Variants in LTBR observed in about 807,000 individuals in gnomAD.
The protein encoded by LTBR is lymphotoxin beta receptor, also known as tumor necrosis factor receptor superfamily member 3.
Under a neutral mutation model 45.4 loss-of-function variants are expected in LTBR, and 15 were observed. The ratio of observed to expected loss-of-function variants is 0.33; its 90% CI spans 0.22 to 0.51. LTBR has a LOEUF of 0.51. Among genes scored for constraint, LTBR ranks in the 20% least tolerant of loss-of-function variants. LTBR has a pLI of 0.97. For missense variants in LTBR, 450 were observed against 565.5 expected (o/e 0.80, Z 2.07); for synonymous variants, 228 against 231.0 (o/e 0.99, Z 0.12).
At position 6,376,125 on chromosome 12, in the gene LTBR, A is replaced by G. The variant is rs532010089; in HGVS notation, c.39+531A>G. On this transcript the variant is annotated intron_variant, in intron 1 of 9. Coordinates refer to the LTBR transcript ENST00000539925. The stretch of plus-strand genomic sequence containing the variant: ...GCACCCACAGGTCAGCCTCACCCTC[A>G]GGCCCTGCAGAGAAGAGAGAAGAGG... The G allele has an allele frequency of 3.5e-4, 344 of 987,418 alleles. No individual in the cohort carries two copies. The South Asian group carries it at 4.9e-3, about 14-fold the overall frequency. 61.2% of individuals were successfully genotyped at this position (987,418 alleles called of 1,614,324 possible). A position where few individuals can be genotyped will look rare whatever the true frequency, so the allele number is the denominator to read the frequency against.
In LTBR at chr12:6,384,701, G is replaced by A. The variant is rs370786471; in HGVS notation, c.193+17G>A. On this transcript the variant is annotated intron_variant, in intron 2 of 9. Coordinates refer to ENST00000228918, the MANE Select transcript of LTBR (RefSeq NM_002342.3). ...GCCCGCCAGGTGAGAGGCAATGGCA[G>A]GACGAACCTGGGCCTCGGAAGTGGG... 1.2e-4 allele frequency: 189 copies of A among 1,611,232 alleles called. 2 individuals carry two copies. The highest frequency in any genetic ancestry group is 2.5e-6 in the Non-Finnish European group (3 of 1,177,534).
chr12:6,379,463 T>G (rs1948956197), upstream of LTBR, among the ~76,000 whole-genome samples: 1 of 152,200 alleles, frequency 6.6e-6, no homozygotes, highest in Non-Finnish European at 1.5e-5. Flanking sequence ...ATGCAACTCT[T>G]TATTCTTACT....
At chr12:6,379,029 G>C (rs1948949482) in intron 1 of LTBR, among the ~76,000 whole-genome samples, 1 of 152,186 alleles carries the variant, frequency 6.6e-6, no homozygotes, top group South Asian at 2.1e-4. Context: ...GACAGGAGAT[G>C]ACGGAAGTAA....
chr12:6,384,627 C>G lies in LTBR; in HGVS notation c.136C>G (p.Gln46Glu). 3 of 1,614,204 alleles carry G rather than the reference C, an allele frequency of 1.9e-6. No homozygotes were observed. The highest frequency in any genetic ancestry group is 1.7e-5 in the Admixed American group (1 of 60,024). The change falls in exon 2 of 10, where the codon CAG (glutamine) becomes GAG (glutamate). Residue 46 changes from glutamine to glutamate, a missense_variant. Coordinates refer to ENST00000228918, the MANE Select transcript of LTBR (RefSeq NM_002342.3). The stretch of plus-strand genomic sequence containing the variant: ...GTCGGAGAACCAGACCTGCAGGGAC[C>G]AGGAAAAGGAATACTATGAGCCCCA... ...YASENQTCRD[Q>E]EKEYYEPQHR...
At chr12:6,376,915 A>G (rs1948923070) in intron 1 of LTBR, among the ~76,000 whole-genome samples, 1 of 152,214 alleles carries the variant, frequency 6.6e-6, no homozygotes, top group South Asian at 2.1e-4. Context: ...ATACAATAAG[A>G]TAAGGTTTCT....
chr12:6,381,499 C>T (rs766355397), upstream of LTBR, among the ~76,000 whole-genome samples: 257 of 152,344 alleles, frequency 1.7e-3, 1 homozygote, highest in Non-Finnish European at 1.2e-3. Flanking sequence ...AAACCCAGAT[C>T]TCAGGGCTCG....
At chr12:6,375,299 C>G (rs62624478), upstream of LTBR, 150 of 1,438,524 alleles carry the variant, frequency 1.0e-4, no homozygotes, top group South Asian at 3.6e-4. Flanking sequence ...CCTCTCCCCC[C>G]CTTGCCTTGC....
chr12:6,385,580 G>T (rs1949030846), intron 4 of LTBR: 2 of 677,198 alleles, frequency 3.0e-6, no homozygotes, highest in Admixed American at 5.9e-5. Context: ...CACAGGAGGT[G>T]GTTCTTCTCA....
At position 6,388,855 on chromosome 12, in the gene LTBR, A is replaced by T. The variant is rs1949078792; in HGVS notation, c.801+30A>T. On this transcript the variant is annotated intron_variant, in intron 8 of 9. Transcript: ENST00000228918. This position sits in a 1 kb window ranked among gnomAD's most constrained non-coding sequence, Gnocchi z 4.3. ...TGGCGGGGGCTGAGAAGGCAGCAAG[A>T]AGGGGAAGAGGTGATGAGGGTACAA... 16 of 1,613,806 alleles carry T rather than the reference A, an allele frequency of 9.9e-6. No homozygotes were observed. Among genetic ancestry groups the T allele is most frequent in the Non-Finnish European group, 1.3e-5 (15 of 1,179,902 alleles).
chr12:6,378,546 G>A (rs1210763299), intron 1 of LTBR, among the ~76,000 whole-genome samples: 1 of 136,526 alleles, frequency 7.3e-6, no homozygotes, highest in African/African-American at 3.0e-5. Context: ...AGGGCAAGAA[G>A]GGGTGGGTAA....
Position 6,376,822 on chromosome 12 carries a change from C to T in LTBR, c.39+1228C>T, listed in dbSNP as rs530607445. ...CAGAGTGCAGGAATGTGGTCACTGG[C>T]TTGTCCTGCCTCCCTCCACAAGCCA... On this transcript the variant is annotated intron_variant, in intron 1 of 9. Transcript: ENST00000539925. Among the ~76,000 whole-genome samples, 8 of 152,320 alleles carry T rather than the reference C, an allele frequency of 5.3e-5. No homozygotes were observed. The South Asian group carries it at 1.7e-3, about 32-fold the overall frequency.
upstream of LTBR, among the ~76,000 whole-genome samples, chr12:6,382,692 C>G (rs1948996359): frequency 2.6e-5 from 4 of 152,332 alleles, no homozygotes; most frequent in South Asian, 8.3e-4. Context: ...TCCTTTCCCC[C>G]TTTTGTGACC....
chr12:6,388,152 G>A lies in LTBR; in HGVS notation c.668-246G>A. ...GGGCACCCACACCACCCCCAAACAT[G>A]CCCATCCATGATACAGTCTCTCCTG... is the stretch of plus-strand genomic sequence containing the variant. On this transcript the variant is annotated intron_variant, in intron 6 of 9. Transcript: ENST00000228918. The surrounding 1 kb of genome is among the most constrained non-coding windows in gnomAD (Gnocchi z 4.3). The A allele has an allele frequency of 2.1e-6, 1 of 483,058 alleles. No individual in the cohort carries two copies. Among genetic ancestry groups the A allele is most frequent in the Non-Finnish European group, 3.8e-6 (1 of 262,452 alleles). The allele number at this position is 483,058 out of a possible 1,614,324, so 29.9% of individuals were successfully genotyped here.
At chr12:6,384,926 G>A in intron 2 of LTBR, 96 bp from the exon 3 acceptor site, 2 of 1,521,572 alleles carry the variant, frequency 1.3e-6, no homozygotes, top group Non-Finnish European at 1.8e-6. Flanking sequence ...TGGGGGGCCA[G>A]AGAGACCGAG....
At chr12:6,380,994 C>T (rs549805147), upstream of LTBR, among the ~76,000 whole-genome samples, 1 of 152,192 alleles carries the variant, frequency 6.6e-6, no homozygotes, top group African/African-American at 2.4e-5. Flanking sequence ...CTCCCTTTAT[C>T]CTCCTGGGGA....
At chr12:6,380,742 C>T (rs1217139163), upstream of LTBR, among the ~76,000 whole-genome samples, 2 of 152,078 alleles carry the variant, frequency 1.3e-5, no homozygotes, top group African/African-American at 4.8e-5. Context: ...TTCCATCAGC[C>T]CCCTTTCTGG....
intron 3 of LTBR, 31 bp downstream of exon 3, chr12:6,385,178 G>C (rs370495075): frequency 6.2e-7 from 1 of 1,614,180 alleles, no homozygotes; most frequent in Admixed American, 1.7e-5. Flanking sequence ...GGGGGGGCTG[G>C]ATCCCCTGGA....
At chr12:6,385,635 G>A (rs1188052427) in intron 4 of LTBR, 51 of 522,794 alleles carry the variant, frequency 9.8e-5, no homozygotes, top group South Asian at 1.8e-4. Flanking sequence ...GGCCGGGTGT[G>A]GTGGCCCACG....
intron 9 of LTBR, 57 bp from the exon 10 acceptor site, chr12:6,390,603 G>C: frequency 6.8e-7 from 1 of 1,477,910 alleles, no homozygotes; most frequent in Non-Finnish European, 9.0e-7. Flanking sequence ...AATTCAAGAA[G>C]CAGCGGGCCT....
Sources: gnomAD v4.1 joint callset for allele counts (sites outside exome capture counted in the v4.1 genomes callset) on GRCh38, gnomAD v4.1.1 for gene constraint, Gnocchi (gnomAD v3.1) non-coding constraint, MANE v1.5 for transcripts, NCBI Gene and HGNC (gene_info 2026-07-23, HGNC 2026-07-21) for gene names.